The following KCNN3 variants were observed in gnomAD, a reference collection of about 807,000 sequenced individuals.
The protein encoded by KCNN3 is small conductance calcium-activated potassium channel protein 3.
In KCNN3, 16 loss-of-function variants were observed where a neutral mutation model predicts 62.9. The ratio of observed to expected loss-of-function variants is 0.25; its 90% confidence interval spans 0.17 to 0.39. The LOEUF is 0.39. KCNN3 is among the 10% of genes least tolerant of loss of function. The probability of loss-of-function intolerance (pLI) is 1.00; values close to 1 mark genes in which losing one functional copy is unlikely to be tolerated. For missense variants in KCNN3, 599 were observed against 949.4 expected, an observed-to-expected ratio of 0.63 and a Z score of 4.85; for synonymous variants, 370 against 389.2, an observed-to-expected ratio of 0.95 and a Z score of 0.58.
chr1:154,712,971 C>T (rs1001635089), intron 7 of KCNN3, among the ~76,000 whole-genome samples: 1 of 152,190 alleles, frequency 6.6e-6, no homozygotes. Context: ...CACCCCCCCA[C>T]ACACACCACT....
intron 2 of KCNN3, among the ~76,000 whole-genome samples, chr1:154,816,483 G>A (rs566633368): frequency 4.7e-4 from 72 of 152,324 alleles, no homozygotes; most frequent in African/African-American, 1.7e-3. Context: ...TACGTGCCCG[G>A]CATTGGCCTG....
At chr1:154,787,144 A>C (rs982157489) in intron 2 of KCNN3, among the ~76,000 whole-genome samples, 1 of 152,238 alleles carries the variant, frequency 6.6e-6, no homozygotes, top group Non-Finnish European at 1.5e-5. Flanking sequence ...TAAACAAGGC[A>C]CTTATTTCAA....
intron 2 of KCNN3, among the ~76,000 whole-genome samples, chr1:154,793,029 C>T (rs746392307): frequency 6.6e-6 from 1 of 152,160 alleles, no homozygotes; most frequent in Non-Finnish European, 1.5e-5. Context: ...CAGGAAGCTC[C>T]TAACCCCAAA....
intron 4 of KCNN3, among the ~76,000 whole-genome samples, 167 bp downstream of exon 4, chr1:154,732,836 G>A (rs932825233): frequency 3.9e-5 from 6 of 152,216 alleles, no homozygotes; most frequent in African/African-American, 1.4e-4. Flanking sequence ...AGAAACCATT[G>A]CAGATTTCCC....
rs1239308047 is a variant in KCNN3 at position 154,707,234 on chromosome 1, C to T, written c.*742G>A. On this transcript the variant is annotated 3_prime_UTR_variant, in exon 8 of 8. Coordinates refer to ENST00000271915, the MANE Select transcript of KCNN3 (RefSeq NM_002249.6). Reference sequence around the variant, plus strand: ...TGTTCAGATTCAGACCAACTCAAAACACATGTAAGGGGTGCCTATTGTATG... The same window carrying T: ...TGTTCAGATTCAGACCAACTCAAAATACATGTAAGGGGTGCCTATTGTATG... 6.6e-6 allele frequency: 1 copy of T among 152,196 alleles called. No individual in the cohort carries two copies. Among genetic ancestry groups the T allele is most frequent in the African/African-American group, 2.4e-5 (1 of 41,440 alleles). 9.4% of individuals were successfully genotyped at this position (152,196 alleles called of 1,614,324 possible).
At chr1:154,720,416 G>A (rs1394714439) in intron 5 of KCNN3, among the ~76,000 whole-genome samples, 1 of 152,202 alleles carries the variant, frequency 6.6e-6, no homozygotes, top group Non-Finnish European at 1.5e-5. Flanking sequence ...CCATTGTAAA[G>A]ACTTGAAGAC....
chr1:154,744,004 C>CA (rs1700882306), intron 3 of KCNN3, among the ~76,000 whole-genome samples: 1 of 152,160 alleles, frequency 6.6e-6, no homozygotes, highest in Non-Finnish European at 1.5e-5. Flanking sequence ...GTTACCCGCC[C>CA]ACCCTGTCTC....
At chr1:154,736,438 G>A (rs954923599) in intron 3 of KCNN3, among the ~76,000 whole-genome samples, 4 of 152,210 alleles carry the variant, frequency 2.6e-5, no homozygotes, top group Non-Finnish European at 5.9e-5. Context: ...TCAACTGTAA[G>A]TTCTTGGACA....
In KCNN3 at chr1:154,857,056, A is replaced by T. The variant is rs79020487; in HGVS notation, c.933+11976T>A. On this transcript the variant is annotated intron_variant, in intron 1 of 7. Coordinates refer to ENST00000271915, the MANE Select transcript of KCNN3 (RefSeq NM_002249.6). ...ACATCAGACCTGTTGTTACTTGTTC[A>T]GTGCCTGCCTCCCCCACCAGCCTGT... Among the ~76,000 whole-genome samples, 778 of 152,242 alleles carry T rather than the reference A, an allele frequency of 5.1e-3. 11 individuals carry two copies. The highest frequency in any genetic ancestry group is 0.018 in the African/African-American group (736 of 41,542).
rs1406977167 is a variant in KCNN3, at chr1:154,869,815, G to A, written c.150C>T (p.Ala50=). ...QQPPPPAPPA[A]PQQPLGPSLQ... ...GCGAGGGTCCCAGGGGCTGCTGGGG[G>A]GCTGCTGGTGGCGCTGGCGGTGGTG... The change falls in exon 1 of 8, where the codon GCC becomes GCT. Residue 50 remains alanine, a synonymous_variant. Transcript: ENST00000271915. This position sits in a 1 kb window ranked among gnomAD's most constrained non-coding sequence, Gnocchi z 6.1. 2.6e-6 allele frequency: 4 copies of A among 1,521,800 alleles called. No homozygotes were observed. The highest frequency in any genetic ancestry group is 2.5e-5 in the South Asian group (2 of 81,142). The allele number at this position is 1,521,800 out of a possible 1,614,324, so 94.3% of individuals were successfully genotyped here.
chr1:154,810,288 T>A (rs539099688), intron 2 of KCNN3, among the ~76,000 whole-genome samples: 1 of 152,008 alleles, frequency 6.6e-6, no homozygotes, highest in South Asian at 2.1e-4. Flanking sequence ...AGGCAGATGA[T>A]GGCTTGGGGT....
At chr1:154,813,414 C>T (rs1650518186) in intron 2 of KCNN3, among the ~76,000 whole-genome samples, 1 of 152,126 alleles carries the variant, frequency 6.6e-6, no homozygotes, top group African/African-American at 2.4e-5. Flanking sequence ...CGGGCCGCCT[C>T]CTCTTCCTGG....
intron 2 of KCNN3, among the ~76,000 whole-genome samples, chr1:154,799,470 A>C (rs948112993): frequency 1.3e-5 from 2 of 152,220 alleles, no homozygotes; most frequent in Non-Finnish European, 2.9e-5. Context: ...ATCCCTGTGA[A>C]CTGTCCAAAG....
At chr1:154,844,180 A>G (rs1468745656) in intron 1 of KCNN3, among the ~76,000 whole-genome samples, 1 of 152,212 alleles carries the variant, frequency 6.6e-6, no homozygotes, top group Non-Finnish European at 1.5e-5. Context: ...CAGCCCCTCC[A>G]TTATGCAAAT....
intron 5 of KCNN3, among the ~76,000 whole-genome samples, chr1:154,715,865 A>G (rs1317649652): frequency 6.6e-6 from 1 of 152,196 alleles, no homozygotes; most frequent in East Asian, 1.9e-4. Flanking sequence ...ATTTTAAAAG[A>G]CTTCTTTGAG....
intron 1 of KCNN3, among the ~76,000 whole-genome samples, chr1:154,830,581 CG>C (rs1234177364): frequency 6.6e-6 from 1 of 152,180 alleles, no homozygotes; most frequent in African/African-American, 2.4e-5. Flanking sequence ...ATACTTGTGG[CG>C]TGAAGGAAGC....
intron 2 of KCNN3, among the ~76,000 whole-genome samples, chr1:154,778,073 T>C (rs1419967732): frequency 6.6e-6 from 1 of 152,200 alleles, no homozygotes; most frequent in Non-Finnish European, 1.5e-5. Context: ...TTCCTGAAAA[T>C]TCCATTCTTT....
chr1:154,765,040 G>C (rs963305295), intron 3 of KCNN3, among the ~76,000 whole-genome samples: 1 of 152,188 alleles, frequency 6.6e-6, no homozygotes, highest in African/African-American at 2.4e-5. Flanking sequence ...GTTCCTGAGG[G>C]AGAGTCAGCT....
intron 1 of KCNN3, among the ~76,000 whole-genome samples, chr1:154,854,203 C>T (rs567498787): frequency 1.8e-4 from 28 of 152,130 alleles, no homozygotes; most frequent in African/African-American, 6.7e-4. Context: ...CCACTGAACT[C>T]CAGCCTGGGC....
Sources: gnomAD v4.1 joint callset for allele counts (sites outside exome capture counted in the v4.1 genomes callset) on GRCh38, gnomAD v4.1.1 for gene constraint, Gnocchi (gnomAD v3.1) non-coding constraint, MANE v1.5 for transcripts, NCBI Gene and HGNC (gene_info 2026-07-23, HGNC 2026-07-21) for gene names.